Variants in NHS observed in about 807,000 individuals in gnomAD.
NHS encodes the protein actin remodeling regulator NHS.
Under a neutral mutation model 72.5 loss-of-function variants are expected in NHS, and 5 were observed. The observed-to-expected ratio is 0.07, with a 90% confidence interval of 0.04 to 0.14. The LOEUF (loss-of-function observed/expected upper bound fraction) is 0.14, where lower values mean the gene tolerates loss of function less well. NHS is among the 10% of genes least tolerant of loss of function. The pLI is 1.00. For synonymous variants in NHS, 464 were observed against 547.7 expected (o/e 0.85, Z 2.13); for missense variants, 1,072 against 1,355.7 (o/e 0.79, Z 3.29).
At chrX:17,581,286 G>A (rs2146983184) in intron 1 of NHS, among the ~76,000 whole-genome samples, 1 of 111,984 alleles carries the variant, frequency 8.9e-6, no homozygotes, top group East Asian at 2.8e-4. Flanking sequence ...AGAGAACTGG[G>A]CCACGTCTAT....
At chrX:17,533,416 A>C (rs2065208411) in intron 1 of NHS, among the ~76,000 whole-genome samples, 1 of 110,886 alleles carries the variant, frequency 9.0e-6, no homozygotes, top group South Asian at 3.8e-4. Flanking sequence ...CCTCCCAAGT[A>C]GCTGGGATTA....
chrX:17,579,892 C>T (rs1016851878), intron 1 of NHS, among the ~76,000 whole-genome samples: 4 of 110,977 alleles, frequency 3.6e-5, no homozygotes, highest in Non-Finnish European at 7.6e-5. Flanking sequence ...TGGGAGAATA[C>T]CCTAGATTCC....
intron 1 of NHS, among the ~76,000 whole-genome samples, chrX:17,511,775 G>C (rs1342113614): frequency 9.0e-6 from 1 of 111,577 alleles, no homozygotes; most frequent in Non-Finnish European, 1.9e-5. Context: ...CCACTTCAGT[G>C]TGCTCCAGTG....
rs1020880310 is a variant in NHS, at chrX:17,407,214, C to T, written c.565+30892C>T. Among the ~76,000 whole-genome samples the T allele has an allele frequency of 3.6e-5, 4 of 111,930 alleles. No homozygotes were observed. In the East Asian group the frequency reaches 1.1e-3, roughly 32 times the overall value. On this transcript the variant is annotated intron_variant, in intron 1 of 8. Transcript: ENST00000676302. ...GATTAATGTAGTAAATCCAGAGTTACAGGGAGATTGTGGTGTTTCCTCTTC... is the reference window on the plus strand; with the variant it reads ...GATTAATGTAGTAAATCCAGAGTTATAGGGAGATTGTGGTGTTTCCTCTTC...
rs1216194040 is a variant in NHS at position 17,712,253 on chromosome X, G to GTATATATATATATATA, written c.853-7068_853-7053dup. On this transcript the variant is annotated intron_variant, in intron 3 of 8. Coordinates refer to ENST00000676302, the MANE Select transcript of NHS (RefSeq NM_001291867.2). ...ATGCTTATTGGCCTTTTGTGTGTGT[G>GTATATATATATATATA]TATATATATATATATATATATATAT... Among the ~76,000 whole-genome samples the GTATATATATATATATA allele has an allele frequency of 2.2e-4, 11 of 50,143 alleles. No individual in the cohort carries two copies. The East Asian group carries it at 2.8e-3, about 13-fold the overall frequency. 43.5% of individuals were successfully genotyped at this position (50,143 alleles called of 115,157 possible).
intron 1 of NHS, among the ~76,000 whole-genome samples, chrX:17,499,135 A>G (rs779032916): frequency 8.9e-6 from 1 of 111,906 alleles, no homozygotes; most frequent in South Asian, 3.8e-4. Context: ...CACTGGCTGC[A>G]GTTTCTGGTG....
In NHS at chrX:17,378,903, G is replaced by A. The variant is rs773056213; in HGVS notation, c.565+2581G>A. 4.5e-5 allele frequency among the ~76,000 whole-genome samples: 5 copies of A among 111,793 alleles called. No homozygotes were observed. In the East Asian group the frequency reaches 1.4e-3, roughly 32 times the overall value. On this transcript the variant is annotated intron_variant, in intron 1 of 8. Coordinates refer to ENST00000676302, the MANE Select transcript of NHS (RefSeq NM_001291867.2). ...AGGGCCAGGTAGAGAGATGCAAAAA[G>A]CCTATGATGTGCACAGGAATGTTGA...
intron 1 of NHS, among the ~76,000 whole-genome samples, chrX:17,541,157 A>C (rs1357979204): frequency 8.9e-6 from 1 of 112,230 alleles, no homozygotes; most frequent in Admixed American, 9.4e-5. Flanking sequence ...GACTTTCTCC[A>C]CAATGCCATG....
intron 3 of NHS, among the ~76,000 whole-genome samples, chrX:17,698,364 T>C (rs2066243925): frequency 8.9e-6 from 1 of 112,052 alleles, no homozygotes; most frequent in Admixed American, 9.4e-5. Context: ...ATGGATAATT[T>C]CCTAGAAGAG....
chrX:17,490,022 T>C (rs779889142), intron 1 of NHS, among the ~76,000 whole-genome samples: 4 of 112,315 alleles, frequency 3.6e-5, no homozygotes, highest in Non-Finnish European at 5.6e-5. Context: ...TTCTAGATAT[T>C]AGCCCTTTGT....
chrX:17,605,599 C>T (rs139015723), intron 1 of NHS, among the ~76,000 whole-genome samples: 1 of 111,068 alleles, frequency 9.0e-6, no homozygotes, highest in Non-Finnish European at 1.9e-5. Flanking sequence ...TGCCCATTGT[C>T]TTTCCTTCAT....
chrX:17,679,861 G>C (rs897361314), intron 1 of NHS, among the ~76,000 whole-genome samples: 8 of 72,140 alleles, frequency 1.1e-4, no homozygotes, highest in Admixed American at 1.9e-4. Context: ...ATGAAGAAAG[G>C]GGGGGGGGGT....
At chrX:17,618,113 A>G (rs1408857152) in intron 1 of NHS, among the ~76,000 whole-genome samples, 1 of 111,911 alleles carries the variant, frequency 8.9e-6, no homozygotes, top group Non-Finnish European at 1.9e-5. Context: ...CCAAATAACC[A>G]TCCTGAGGGT....
intron 1 of NHS, among the ~76,000 whole-genome samples, chrX:17,403,522 T>C (rs1242964965): frequency 1.8e-5 from 2 of 111,444 alleles, no homozygotes; most frequent in Non-Finnish European, 3.8e-5. Context: ...TGCTGGTAAA[T>C]GTAGCCCAGT....
rs2066499089 is a variant in NHS, at chrX:17,732,962, G to A, written c.*498G>A. ...ATGTGTAAATAGATTTATCAATGAT[G>A]AGTGGACATGTGGTCAATTATCTAC... On this transcript the variant is annotated 3_prime_UTR_variant, in exon 9 of 9. Coordinates refer to ENST00000676302, the MANE Select transcript of NHS (RefSeq NM_001291867.2). 1 of 137,259 alleles carries A rather than the reference G, an allele frequency of 7.3e-6. No homozygotes were observed. The highest frequency in any genetic ancestry group is 3.2e-5 in the African/African-American group (1 of 31,625). 11.3% of individuals were successfully genotyped at this position (137,259 alleles called of 1,213,427 possible).
chrX:17,680,285 G>A (rs745991142), intron 1 of NHS, among the ~76,000 whole-genome samples: 1 of 112,562 alleles, frequency 8.9e-6, no homozygotes, highest in Admixed American at 9.4e-5. Context: ...AGAGGCTGCT[G>A]AGGGAAGTGC....
chrX:17,452,064 T>C (rs1007074861), intron 1 of NHS, among the ~76,000 whole-genome samples: 1 of 111,833 alleles, frequency 8.9e-6, no homozygotes, highest in South Asian at 3.7e-4. Flanking sequence ...TGGGAATCCA[T>C]AGGAGACCAA....
intron 1 of NHS, among the ~76,000 whole-genome samples, chrX:17,510,031 C>T (rs2065079501): frequency 8.9e-6 from 1 of 112,536 alleles, no homozygotes; most frequent in South Asian, 3.6e-4. Flanking sequence ...CATAAAAGCT[C>T]TCAATCCTGA....
intron 1 of NHS, among the ~76,000 whole-genome samples, chrX:17,638,225 T>A (rs2065860649): frequency 8.9e-6 from 1 of 111,944 alleles, no homozygotes; most frequent in Non-Finnish European, 1.9e-5. Flanking sequence ...CAGTGTCATC[T>A]TAGGTCCCTT....
Sources: allele counts gnomAD v4.1 joint callset (sites outside exome capture counted in the v4.1 genomes callset), GRCh38; gene constraint gnomAD v4.1.1; transcripts MANE v1.5; gene names NCBI Gene and HGNC (gene_info 2026-07-23, HGNC 2026-07-21).